ZCCHC7: variants seen among roughly 807,000 people sequenced by gnomAD.
ZCCHC7 encodes zinc finger CCHC-type containing 7.
A neutral mutation model predicts 52.0 loss-of-function variants in ZCCHC7; 35 were observed. The observed-to-expected ratio is 0.67, with a 90% CI of 0.51 to 0.89. The LOEUF (loss-of-function observed/expected upper bound fraction) is 0.89. Among genes scored for constraint, ZCCHC7 ranks in the 40% least tolerant of loss-of-function variants. The pLI is 0.00. For missense variants in ZCCHC7, 574 were observed against 649.1 expected, an observed-to-expected ratio of 0.88 and a Z score of 1.26; for synonymous variants, 217 against 221.5, an observed-to-expected ratio of 0.98 and a Z score of 0.18.
At chr9:37,237,235 A>G (rs538440663) in intron 2 of ZCCHC7, among the ~76,000 whole-genome samples, 1 of 152,364 alleles carries the variant, frequency 6.6e-6, no homozygotes, top group South Asian at 2.1e-4. Context: ...TTGAGTGAAC[A>G]TATTCCATTA....
At chr9:37,272,614 A>G (rs68046074) in intron 2 of ZCCHC7, among the ~76,000 whole-genome samples, 30,840 of 151,772 alleles carry the variant, frequency 0.2, 3,406 homozygotes, top group Non-Finnish European at 0.25. Context: ...TCATCACCCT[A>G]ATATTTATGG....
At chr9:37,193,671 G>A (rs1055495591) in intron 2 of ZCCHC7, among the ~76,000 whole-genome samples, 1 of 151,868 alleles carries the variant, frequency 6.6e-6, no homozygotes, top group Non-Finnish European at 1.5e-5. Context: ...TGGATTTTCT[G>A]CTGTTTCATG....
intron 2 of ZCCHC7, among the ~76,000 whole-genome samples, chr9:37,226,819 A>T (rs1216044719): frequency 6.6e-6 from 1 of 152,140 alleles, no homozygotes; most frequent in Non-Finnish European, 1.5e-5. Context: ...TCACGAGCTC[A>T]GGAGATCGAG....
At chr9:37,348,343 G>GTTCATTCTTTCTTTCT (rs768829753) in intron 6 of ZCCHC7, among the ~76,000 whole-genome samples, 18 of 100,160 alleles carry the variant, frequency 1.8e-4, no homozygotes, top group African/African-American at 5.3e-4. Flanking sequence ...AGTGATACCA[G>GTTCATTCTTTCTTTCT]TTCGTTCTTT....
intron 2 of ZCCHC7, among the ~76,000 whole-genome samples, chr9:37,173,714 T>C (rs1204771484): frequency 1.3e-5 from 2 of 152,230 alleles, no homozygotes; most frequent in Non-Finnish European, 1.5e-5. Context: ...ACAGTTGGTA[T>C]CAGATTCTTC....
intron 2 of ZCCHC7, among the ~76,000 whole-genome samples, chr9:37,166,373 G>A (rs902732058): frequency 2.6e-5 from 4 of 151,948 alleles, no homozygotes; most frequent in African/African-American, 9.7e-5. Flanking sequence ...CTCCAGCCTG[G>A]GTGACAGAGC....
chr9:37,332,247 A>G (rs1470528692), intron 6 of ZCCHC7, among the ~76,000 whole-genome samples: 1 of 151,580 alleles, frequency 6.6e-6, no homozygotes, highest in Non-Finnish European at 1.5e-5. Context: ...CTGATCATTC[A>G]GAAGGCACAT....
intron 2 of ZCCHC7, among the ~76,000 whole-genome samples, chr9:37,197,945 C>T (rs1823376504): frequency 6.6e-6 from 1 of 152,100 alleles, no homozygotes; most frequent in African/African-American, 2.4e-5. Flanking sequence ...TGTTGAATCA[C>T]CCATCACTTG....
chr9:37,177,510 A>G (rs1389949760), intron 2 of ZCCHC7, among the ~76,000 whole-genome samples: 1 of 152,138 alleles, frequency 6.6e-6, no homozygotes, highest in Non-Finnish European at 1.5e-5. Flanking sequence ...CCATACCTAC[A>G]GAGAGCAGCT....
intron 6 of ZCCHC7, among the ~76,000 whole-genome samples, chr9:37,333,215 C>G (rs988057544): frequency 1.3e-5 from 2 of 151,516 alleles, no homozygotes; most frequent in Non-Finnish European, 3.0e-5. Flanking sequence ...AAGTATGCAG[C>G]CTTCACTCAA....
chr9:37,217,598 A>G (rs967307982), intron 2 of ZCCHC7, among the ~76,000 whole-genome samples: 1 of 152,332 alleles, frequency 6.6e-6, no homozygotes, highest in Middle Eastern at 3.4e-3. Context: ...CTGAAAAAAA[A>G]TCCGTGTGAT....
At chr9:37,160,367 T>A (rs1821031584) in intron 2 of ZCCHC7, 1 of 152,110 alleles carries the variant, frequency 6.6e-6, no homozygotes, top group African/African-American at 2.4e-5. Context: ...ATAAAAAAAT[T>A]AGCCAGGCGT....
chr9:37,258,784 AAGTTT>A (rs1252016742), intron 2 of ZCCHC7, among the ~76,000 whole-genome samples: 91 of 150,246 alleles, frequency 6.1e-4, no homozygotes, highest in African/African-American at 2.2e-3. Context: ...AAAAAAAAAA[AAGTTT>A]GTTCTGAGGG....
intron 2 of ZCCHC7, among the ~76,000 whole-genome samples, chr9:37,249,115 T>G (rs901231694): frequency 1.3e-5 from 2 of 152,202 alleles, no homozygotes; most frequent in African/African-American, 4.8e-5. Context: ...GGGGAGATGG[T>G]TACATCAACC....
intron 2 of ZCCHC7, among the ~76,000 whole-genome samples, chr9:37,193,082 T>C (rs1193363236): frequency 1.3e-5 from 2 of 152,204 alleles, no homozygotes; most frequent in Non-Finnish European, 2.9e-5. Context: ...GAAAGTTTAT[T>C]TGTATTGATG....
At chr9:37,168,858 C>T (rs1245783658) in intron 2 of ZCCHC7, among the ~76,000 whole-genome samples, 6 of 152,184 alleles carry the variant, frequency 3.9e-5, no homozygotes. Context: ...GACCCGCCCT[C>T]AGGAGCCCAC....
chr9:37,205,857 C>G (rs1263092881), intron 2 of ZCCHC7, among the ~76,000 whole-genome samples: 1 of 151,654 alleles, frequency 6.6e-6, no homozygotes, highest in Non-Finnish European at 1.5e-5. Flanking sequence ...TGAAATCATG[C>G]ATTTGTACAA....
chr9:37,250,624 AC>A (rs2133392947), intron 2 of ZCCHC7, among the ~76,000 whole-genome samples: 1 of 152,002 alleles, frequency 6.6e-6, no homozygotes, highest in South Asian at 2.1e-4. Flanking sequence ...CTCTCACTTG[AC>A]TTTTCTAGGC....
chr9:37,329,638 ATAGT>A (rs1199260810), intron 6 of ZCCHC7, among the ~76,000 whole-genome samples: 8 of 152,012 alleles, frequency 5.3e-5, no homozygotes, highest in African/African-American at 1.7e-4. Flanking sequence ...CTAAAATAAA[ATAGT>A]TAAGTAATTA....
Sources: allele counts gnomAD v4.1 joint callset (sites outside exome capture counted in the v4.1 genomes callset), GRCh38; gene constraint gnomAD v4.1.1; transcripts MANE v1.5; gene names NCBI Gene and HGNC (gene_info 2026-07-23, HGNC 2026-07-21).